The following RTL9 variants were observed in gnomAD, a reference collection of about 807,000 sequenced individuals.
The protein encoded by RTL9 is retrotransposon Gag-like protein 9.
Under a neutral mutation model 44.7 loss-of-function variants are expected in RTL9, and 19 were observed. The ratio of observed to expected loss-of-function variants is 0.42; its 90% CI spans 0.30 to 0.62. The LOEUF (loss-of-function observed/expected upper bound fraction) is 0.62. RTL9 is among the 20% of genes least tolerant of loss of function. The probability of loss-of-function intolerance (pLI) is 0.16; values close to 1 mark genes in which losing one functional copy is unlikely to be tolerated. For missense variants in RTL9, 1,105 were observed against 1,080.6 expected, an observed-to-expected ratio of 1.02 and a Z score of -0.32; for synonymous variants, 407 against 398.9, an observed-to-expected ratio of 1.02 and a Z score of -0.24.
rs546994082 is a variant in RTL9, at chrX:110,403,134, T to C, written c.-167-42019T>C. ...GAGAGAGGGAGTTGAGAGGCCAGGCTTTCCCTGCCCCTGTTCTTCACAGAA... is the reference window on the plus strand; with the variant it reads ...GAGAGAGGGAGTTGAGAGGCCAGGCCTTCCCTGCCCCTGTTCTTCACAGAA... On this transcript the variant is annotated intron_variant, in intron 1 of 2. Transcript: ENST00000520821. Among the ~76,000 whole-genome samples, 6 of 111,396 alleles carry C rather than the reference T, an allele frequency of 5.4e-5. No individual in the cohort carries two copies. In the South Asian group the frequency reaches 2.3e-3, roughly 43 times the overall value.
At chrX:110,359,196 C>T (rs774431642) in intron 1 of RTL9, among the ~76,000 whole-genome samples, 4 of 111,185 alleles carry the variant, frequency 3.6e-5, no homozygotes, top group East Asian at 2.8e-4. Flanking sequence ...TATACTGCTT[C>T]GCAACAGAAA....
intron 1 of RTL9, among the ~76,000 whole-genome samples, chrX:110,420,707 G>T (rs751613146): frequency 8.9e-6 from 1 of 112,145 alleles, no homozygotes; most frequent in South Asian, 3.8e-4. Flanking sequence ...AAACCGGCTG[G>T]TTTTTTAAAC....
upstream of RTL9, among the ~76,000 whole-genome samples, chrX:110,416,462 G>A (rs2068678345): frequency 9.0e-6 from 1 of 111,629 alleles, no homozygotes; most frequent in South Asian, 3.8e-4. Flanking sequence ...TATGACAGGT[G>A]GGAAAATGGA....
chrX:110,359,000 C>T (rs1400565304), intron 1 of RTL9, 84 bp downstream of exon 1: 1 of 111,885 alleles, frequency 8.9e-6, no homozygotes, highest in Non-Finnish European at 1.9e-5. Context: ...GCTCTAAGTA[C>T]TTTATAAGTA....
At chrX:110,395,681 G>A (rs1285423612) in intron 1 of RTL9, among the ~76,000 whole-genome samples, 1 of 111,018 alleles carries the variant, frequency 9.0e-6, no homozygotes, top group Non-Finnish European at 1.9e-5. Flanking sequence ...TCCTGTGCGT[G>A]TTTGAAGGGG....
chrX:110,451,146 G>C, exon 1 of RTL9: 1 of 1,211,978 alleles, frequency 8.3e-7, no homozygotes, highest in Non-Finnish European at 1.1e-6. Flanking sequence ...CTCTGGAGTG[G>C]TGTGTACACC....
intron 1 of RTL9, among the ~76,000 whole-genome samples, chrX:110,405,868 G>A (rs145472533): frequency 9.0e-6 from 1 of 111,600 alleles, no homozygotes; most frequent in African/African-American, 3.3e-5. Context: ...GCAAGTCCTT[G>A]TAAAGTCAAA....
chrX:110,453,473 A>G lies in RTL9; in HGVS notation c.2856A>G (p.Pro952=), dbSNP rs142122068. The G allele has an allele frequency of 3.5e-3, 4,263 of 1,210,594 alleles. 101 individuals are homozygous for G. The African/African-American group carries it at 0.067, about 19-fold the overall frequency. ...TGGTCTCTGGAGGGATGTCCAAGCC[A>G]TTAATGAGAGCCCCGGCCTCTGGAA... The change falls in exon 1 of 2, where the codon CCA becomes CCG. Residue 952 remains proline (P), a synonymous_variant. Coordinates refer to ENST00000540313, the Ensembl canonical transcript of RTL9.
exon 1 of RTL9, chrX:110,451,026 G>A (rs1408211500): frequency 8.3e-7 from 1 of 1,211,989 alleles, no homozygotes; most frequent in African/African-American, 1.7e-5. Flanking sequence ...AGAGTATGGG[G>A]TAATGTCCCC....
At chrX:110,368,626 A>T (rs1248143873) in intron 1 of RTL9, among the ~76,000 whole-genome samples, 2 of 110,654 alleles carry the variant, frequency 1.8e-5, no homozygotes, top group East Asian at 5.6e-4. Context: ...CTACAACTTT[A>T]CTCTGCTTAA....
intron 1 of RTL9, among the ~76,000 whole-genome samples, chrX:110,360,365 T>C (rs1016340260): frequency 8.0e-5 from 9 of 112,022 alleles, no homozygotes; most frequent in Non-Finnish European, 1.3e-4. Flanking sequence ...TGCATAGCAC[T>C]GTTTTAGAAA....
intron 1 of RTL9, among the ~76,000 whole-genome samples, chrX:110,454,984 A>G (rs1324233713): frequency 9.0e-6 from 1 of 111,625 alleles, no homozygotes; most frequent in Non-Finnish European, 1.9e-5. Context: ...ATTCTAATAA[A>G]TGGGTCTTTT....
intron 1 of RTL9, among the ~76,000 whole-genome samples, chrX:110,363,592 T>C (rs1037969667): frequency 1.6e-4 from 18 of 111,994 alleles, no homozygotes; most frequent in Non-Finnish European, 3.4e-4. Context: ...AACAAGTTAT[T>C]TGACCATTAT....
At chrX:110,409,963 T>C (rs753612729) in intron 1 of RTL9, among the ~76,000 whole-genome samples, 2 of 112,146 alleles carry the variant, frequency 1.8e-5, no homozygotes, top group African/African-American at 6.5e-5. Flanking sequence ...GAAATACAGA[T>C]GCAGTGTGGC....
At chrX:110,423,354 G>GAAAAAC (rs1247140840) in intron 1 of RTL9, among the ~76,000 whole-genome samples, 1 of 110,047 alleles carries the variant, frequency 9.1e-6, no homozygotes, top group Non-Finnish European at 1.9e-5. Flanking sequence ...AAAAGAAAAA[G>GAAAAAC]AAAGAGGAAG....
At chrX:110,390,936 T>C (rs2068489910) in intron 1 of RTL9, among the ~76,000 whole-genome samples, 1 of 111,836 alleles carries the variant, frequency 8.9e-6, no homozygotes, top group East Asian at 2.8e-4. Flanking sequence ...TACCCTCTCA[T>C]ACCCATTTTT....
intron 1 of RTL9, among the ~76,000 whole-genome samples, chrX:110,363,153 T>C (rs746092611): frequency 8.9e-6 from 1 of 111,905 alleles, no homozygotes. Flanking sequence ...CTTCCAGAGG[T>C]AACACTAGTT....
At chrX:110,428,255 G>T (rs2068768837) in intron 1 of RTL9, among the ~76,000 whole-genome samples, 1 of 111,357 alleles carries the variant, frequency 9.0e-6, no homozygotes, top group Non-Finnish European at 1.9e-5. Flanking sequence ...CTTTCTCTAG[G>T]CTCCCGCAAC....
At chrX:110,398,713 C>G (rs1202944752) in intron 1 of RTL9, among the ~76,000 whole-genome samples, 2 of 112,099 alleles carry the variant, frequency 1.8e-5, no homozygotes, top group African/African-American at 6.5e-5. Context: ...TTGGAAGTCA[C>G]TCTCTGAACC....
Sources: gnomAD v4.1 joint callset for allele counts (sites outside exome capture counted in the v4.1 genomes callset) on GRCh38, gnomAD v4.1.1 for gene constraint, MANE v1.5 for transcripts, NCBI Gene and HGNC (gene_info 2026-07-23, HGNC 2026-07-21) for gene names.